THBS4: variants seen among roughly 807,000 people sequenced by gnomAD.
THBS4 encodes the protein thrombospondin 4, also known as thrombospondin-4.
Under a neutral mutation model 115.7 loss-of-function variants are expected in THBS4, and 90 were observed. The ratio of observed to expected loss-of-function variants is 0.78; its 90% CI spans 0.66 to 0.93. THBS4 has a LOEUF of 0.93. THBS4 is among the 40% of genes least tolerant of loss of function. The pLI, the probability that THBS4 is intolerant of heterozygous loss-of-function variation, is 0.00. For synonymous variants in THBS4, 460 were observed against 479.3 expected, an observed-to-expected ratio of 0.96 and a Z score of 0.53; for missense variants, 1,087 against 1,232.7, an observed-to-expected ratio of 0.88 and a Z score of 1.77.
At chr5:80,044,894 A>C (rs879055583) in intron 2 of THBS4, among the ~76,000 whole-genome samples, 20 of 152,286 alleles carry the variant, frequency 1.3e-4, no homozygotes, top group Middle Eastern at 6.8e-3. Flanking sequence ...GCTGGATAGA[A>C]GATATGGCTG....
chr5:80,016,383 CAT>C (rs1188635672), intron 2 of THBS4, among the ~76,000 whole-genome samples: 4 of 152,140 alleles, frequency 2.6e-5, no homozygotes, highest in Non-Finnish European at 5.9e-5. Context: ...GAAATGTCAT[CAT>C]GTTTTATTTT....
chr5:80,069,715 C>T lies in THBS4; in HGVS notation c.1348-591C>T, dbSNP rs1833963517. Among the ~76,000 whole-genome samples, 5 of 152,330 alleles carry T rather than the reference C, an allele frequency of 3.3e-5. No homozygotes were observed. The South Asian group carries it at 1.0e-3, about 32-fold the overall frequency. On this transcript the variant is annotated intron_variant, in intron 10 of 21. Transcript: ENST00000350881. Reference sequence around the variant, plus strand: ...CAGCCTCGTGGATCAGCCTTCCAGGCCTTCCAAAGGCCCTGCTGGGGCAAG... The same window carrying T: ...CAGCCTCGTGGATCAGCCTTCCAGGTCTTCCAAAGGCCCTGCTGGGGCAAG...
rs778383514 is a variant in THBS4, at chr5:80,059,867, T to C, written c.949T>C (p.Tyr317His). 6 of 1,614,044 alleles carry C rather than the reference T, an allele frequency of 3.7e-6. No homozygotes were observed. In the African/African-American group the frequency reaches 5.3e-5, roughly 14 times the overall value. The change falls in exon 7 of 22, where the codon TAC (tyrosine) becomes CAC (histidine). Residue 317 changes from tyrosine (Y) to histidine (H), a missense_variant. By Grantham distance (83) the Tyr-to-His change is moderately conservative (BLOSUM62 2). Around this residue, in one of 3 missense-constraint regions of THBS4, gnomAD observed 979 missense variants for 1,103.7 expected, o/e 0.89. Transcript: ENST00000350881. ...CCAGTGTGGGCCCTGCCCCGAGGGC[T>C]ACACAGGAAACGGGATCACCTGTAT... ...GFQCGPCPEG[Y>H]TGNGITCIDV...
chr5:80,004,278 G>A (rs1276354727), intron 2 of THBS4, among the ~76,000 whole-genome samples: 1 of 152,238 alleles, frequency 6.6e-6, no homozygotes, highest in African/African-American at 2.4e-5. Context: ...GATGATGAAT[G>A]TGTGTAAATG....
At chr5:80,042,176 C>T (rs1053894339) in intron 2 of THBS4, among the ~76,000 whole-genome samples, 1 of 152,184 alleles carries the variant, frequency 6.6e-6, no homozygotes. Flanking sequence ...TTCCTGTCCC[C>T]CTTTCCCCAT....
intron 2 of THBS4, among the ~76,000 whole-genome samples, chr5:80,030,084 C>T (rs1295252182): frequency 2.6e-5 from 4 of 152,188 alleles, no homozygotes; most frequent in African/African-American, 7.2e-5. Flanking sequence ...TTTCCTGTCA[C>T]TTAAGCACCT....
intron 2 of THBS4, among the ~76,000 whole-genome samples, chr5:80,005,615 C>T (rs1831998890): frequency 6.6e-6 from 1 of 152,146 alleles, no homozygotes; most frequent in South Asian, 2.1e-4. Context: ...CTTAACTTCC[C>T]TGAGTCTTGG....
intron 2 of THBS4, among the ~76,000 whole-genome samples, chr5:80,021,607 A>G (rs1281850452): frequency 6.6e-6 from 1 of 152,064 alleles, no homozygotes; most frequent in African/African-American, 2.4e-5. Context: ...CCCAGACTCA[A>G]GGGATCTTTG....
At chr5:80,059,201 A>C (rs978420797) in intron 5 of THBS4, among the ~76,000 whole-genome samples, 1 of 151,974 alleles carries the variant, frequency 6.6e-6, no homozygotes, top group East Asian at 1.9e-4. Context: ...ATGGTGGTGC[A>C]TGCCTATAAT....
At chr5:80,032,741 G>A (rs1258046479), upstream of THBS4, among the ~76,000 whole-genome samples, 1 of 152,200 alleles carries the variant, frequency 6.6e-6, no homozygotes, top group Non-Finnish European at 1.5e-5. Flanking sequence ...GTCTTCTCCT[G>A]CCTGCTTTAT....
At chr5:80,066,195 T>C (rs560847904) in intron 9 of THBS4, among the ~76,000 whole-genome samples, 3 of 152,196 alleles carry the variant, frequency 2.0e-5, no homozygotes, top group African/African-American at 7.2e-5. Context: ...CAGATATGGG[T>C]TTTATTTCTG....
intron 2 of THBS4, among the ~76,000 whole-genome samples, chr5:80,047,875 GACC>G (rs1292052591): frequency 6.6e-6 from 1 of 151,544 alleles, no homozygotes; most frequent in Non-Finnish European, 1.5e-5. Flanking sequence ...TCAAACTCCT[GACC>G]ACGTGATCCA....
rs770239465 is a variant in THBS4 at position 80,079,973 on chromosome 5, T to C, written c.2580T>C (p.Ser860=). 3.7e-6 allele frequency: 6 copies of C among 1,613,948 alleles called. No homozygotes were observed. The African/African-American group carries it at 6.7e-5, about 18-fold the overall frequency. ...CCCTGTGGCACACGGGGGACACCAG[T>C]GACCAGGTCAGGCTGCTGTGGAAGG... The part of the protein sequence containing the change: ...RNSLWHTGDT[S]DQVRLLWKDS... Residue 860 remains serine (S), a synonymous_variant, in exon 20 of 22, where the codon AGT becomes AGC. Transcript: ENST00000350881.
chr5:80,078,087 C>G lies in THBS4; in HGVS notation c.2125C>G (p.Gln709Glu), dbSNP rs957376518. Residue 709 changes from glutamine to glutamate, a missense_variant, in exon 17 of 22, where the codon CAG (glutamine) becomes GAG (glutamate). Physicochemically the swap from Gln to Glu is conservative, Grantham distance 29. Transcript: ENST00000350881. ...VGDICESDFD[Q>E]DQVIDRIDVC... ...AGACATCTGTGAGTCTGACTTTGACCAGGACCAGGTCATCGATCGGATCGA... is the reference window on the plus strand; with the variant it reads ...AGACATCTGTGAGTCTGACTTTGACGAGGACCAGGTCATCGATCGGATCGA... The G allele has an allele frequency of 1.1e-5, 18 of 1,603,830 alleles. No homozygotes were observed. The highest frequency in any genetic ancestry group is 1.5e-5 in the Non-Finnish European group (18 of 1,173,232).
intron 17 of THBS4, 69 bp from the exon 18 acceptor site, chr5:80,078,852 G>T: frequency 6.6e-7 from 1 of 1,522,526 alleles, no homozygotes; most frequent in East Asian, 2.3e-5. Flanking sequence ...GGTGCCTGAG[G>T]TTTTGAGCTT....
intron 16 of THBS4, 72 bp from the exon 17 acceptor site, chr5:80,077,977 C>G: frequency 7.4e-7 from 1 of 1,346,112 alleles, no homozygotes; most frequent in Non-Finnish European, 1.0e-6. Context: ...CTCATGCAGC[C>G]CCCTTCCCTG....
At position 80,055,925 on chromosome 5, in the gene THBS4, C is replaced by G; in HGVS notation, c.433C>G (p.Leu145Val). 1 of 1,614,232 alleles carries G rather than the reference C, an allele frequency of 6.2e-7. No individual in the cohort carries two copies. The highest frequency in any genetic ancestry group is 8.5e-7 in the Non-Finnish European group (1 of 1,180,032). ...AGGGGCCGGCTCCCTAGAGCTCTACCTGGACTGCATCCAGGTGGATTCCGT... is the reference window on the plus strand; with the variant it reads ...AGGGGCCGGCTCCCTAGAGCTCTACGTGGACTGCATCCAGGTGGATTCCGT... Reference protein sequence around the residue: ...QRGAGSLELYLDCIQVDSVHN... With the variant: ...QRGAGSLELYVDCIQVDSVHN... Residue 145 changes from leucine (L) to valine (V), a missense_variant, in exon 3 of 22, where the codon CTG becomes GTG. Coordinates refer to ENST00000350881, the MANE Select transcript of THBS4 (RefSeq NM_003248.6).
rs150866271 is a variant in THBS4, at chr5:80,066,626, G to A, written c.1194+1149G>A. 5 of 152,310 alleles carry A rather than the reference G, an allele frequency of 3.3e-5. No homozygotes were observed. The East Asian group carries it at 7.7e-4, about 23-fold the overall frequency. The allele number at this position is 152,310 out of a possible 1,614,324, so 9.4% of individuals were successfully genotyped here. A position where few individuals can be genotyped will look rare whatever the true frequency, so the allele number is the denominator to read the frequency against. Reference sequence around the variant, plus strand: ...GTCTCCAAAAAGAAAAAAAAGAAATGTTACGTATTTAGACTAAGGTCACAC... The same window carrying A: ...GTCTCCAAAAAGAAAAAAAAGAAATATTACGTATTTAGACTAAGGTCACAC... On this transcript the variant is annotated intron_variant, in intron 9 of 21. Coordinates refer to ENST00000350881, the MANE Select transcript of THBS4 (RefSeq NM_003248.6).
At chr5:80,035,036 C>T (rs189079096), upstream of THBS4, among the ~76,000 whole-genome samples, 3 of 152,238 alleles carry the variant, frequency 2.0e-5, no homozygotes, top group Non-Finnish European at 4.4e-5. This position sits in a 1 kb window ranked among gnomAD's most constrained non-coding sequence, Gnocchi z 4.6. Context: ...TTTCTTCCTC[C>T]CTTTCGCCCC....
Sources: allele counts gnomAD v4.1 joint callset (sites outside exome capture counted in the v4.1 genomes callset), GRCh38; gene constraint gnomAD v4.1.1; regional missense constraint gnomAD v4.1.1; non-coding constraint Gnocchi (gnomAD v3.1); transcripts MANE v1.5; gene names NCBI Gene and HGNC (gene_info 2026-07-23, HGNC 2026-07-21).